Variants in MOB1A observed in about 807,000 individuals in gnomAD.
The protein encoded by MOB1A is MOB1 Mps One Binder homolog A.
MOB1A carries 10 observed loss-of-function variants against 25.1 expected under a neutral mutation model. The observed-to-expected ratio is 0.40, with a 90% CI of 0.25 to 0.68. The LOEUF is 0.68. Ranked by LOEUF, MOB1A falls within the 30% of genes least tolerant of loss-of-function variation. The pLI is 0.40. For missense variants in MOB1A, 177 were observed against 256.3 expected (o/e 0.69, Z 2.11); for synonymous variants, 81 against 79.5 (o/e 1.02, Z -0.10).
chr2:74,173,320 T>C (rs1279965967), intron 1 of MOB1A: 1 of 452,404 alleles, frequency 2.2e-6, no homozygotes, highest in East Asian at 6.6e-5. Context: ...TAGTTCTTGA[T>C]CTGACACTAA....
At chr2:74,159,826 C>T (rs373469108) in intron 4 of MOB1A, among the ~76,000 whole-genome samples, 39 of 115,642 alleles carry the variant, frequency 3.4e-4, no homozygotes, top group African/African-American at 9.5e-4. Flanking sequence ...TGTCCCCCCC[C>T]CCACCCCGGA....
chr2:74,158,778 CAA>C (rs58720139), intron 5 of MOB1A, among the ~76,000 whole-genome samples: 31 of 81,960 alleles, frequency 3.8e-4, no homozygotes, highest in Non-Finnish European at 4.2e-4. Context: ...GACCCTGTCT[CAA>C]AAAAAAAAAA....
intron 1 of MOB1A, chr2:74,173,292 G>C: frequency 4.2e-6 from 2 of 475,384 alleles, no homozygotes; most frequent in South Asian, 1.5e-5. Context: ...GTCTGGTACA[G>C]AGAAACATCC....
intron 1 of MOB1A, among the ~76,000 whole-genome samples, chr2:74,175,976 T>C (rs1693442946): frequency 6.6e-6 from 1 of 151,938 alleles, no homozygotes; most frequent in Non-Finnish European, 1.5e-5. Context: ...CCGGGTGCAG[T>C]GGCTCACACC....
intron 4 of MOB1A, 45 bp from the exon 5 acceptor site, chr2:74,159,299 A>T (rs780092990): frequency 6.4e-7 from 1 of 1,560,492 alleles, no homozygotes; most frequent in Non-Finnish European, 8.8e-7. Context: ...GTTATCTAAC[A>T]GTAGAAAGTT....
intron 1 of MOB1A, among the ~76,000 whole-genome samples, chr2:74,173,888 G>A (rs896858097): frequency 1.4e-5 from 2 of 145,352 alleles, no homozygotes; most frequent in African/African-American, 5.2e-5. Context: ...GGCGGAGCTT[G>A]CAGTGAGTCG....
At position 74,156,231 on chromosome 2, in the gene MOB1A, C is replaced by A; in HGVS notation, c.*337G>T. Reference sequence around the variant, plus strand: ...TGCTGTCACCTAAAACAGATTCAATCATTTTCTTGTAAAGAAATGACTGAG... The same window carrying A: ...TGCTGTCACCTAAAACAGATTCAATAATTTTCTTGTAAAGAAATGACTGAG... On this transcript the variant is annotated 3_prime_UTR_variant, in exon 6 of 6. Transcript: ENST00000396049. 5.2e-6 allele frequency: 1 copy of A among 191,860 alleles called. No individual in the cohort carries two copies. Among genetic ancestry groups the A allele is most frequent in the Non-Finnish European group, 1.1e-5 (1 of 93,938 alleles). 11.9% of individuals were successfully genotyped at this position (191,860 alleles called of 1,614,324 possible).
chr2:74,168,698 T>A (rs1206385050), intron 2 of MOB1A, among the ~76,000 whole-genome samples: 2 of 152,216 alleles, frequency 1.3e-5, no homozygotes, highest in Non-Finnish European at 2.9e-5. Flanking sequence ...CAACTAGGTA[T>A]TTTCCAAGTT....
At chr2:74,170,055 A>G (rs928980723) in intron 2 of MOB1A, among the ~76,000 whole-genome samples, 5 of 152,214 alleles carry the variant, frequency 3.3e-5, no homozygotes, top group Admixed American at 3.3e-4. Flanking sequence ...TTAAGTCTCA[A>G]AGAAAAATCT....
chr2:74,172,621 TCAGGCAA>T lies in MOB1A; in HGVS notation c.139_145del (p.Leu47ArgfsTer11). On this transcript the variant is annotated frameshift_variant, in exon 2 of 6. Coordinates refer to ENST00000396049, the MANE Select transcript of MOB1A (RefSeq NM_018221.5). LOFTEE classifies it high-confidence loss of function. ...AATCCATTCATTGAGATCCTCTCCC[TCAGGCAA>T]CATAACAGCTTGTCTCAGATTCCCA... 1 of 1,613,896 alleles carries T rather than the reference TCAGGCAA, an allele frequency of 6.2e-7. No individual in the cohort carries two copies. The highest frequency in any genetic ancestry group is 8.5e-7 in the Non-Finnish European group (1 of 1,179,828).
rs891601054 is a variant in MOB1A, at chr2:74,154,916, A to G, written c.*1652T>C. On this transcript the variant is annotated 3_prime_UTR_variant, in exon 6 of 6. Transcript: ENST00000396049. ...ATGATATGTGGATGCTAACTAAATC[A>G]GATGAAATGTTTTCTTTAAAATTCT... 3.9e-5 allele frequency: 6 copies of G among 152,208 alleles called. No individual in the cohort carries two copies. The highest frequency in any genetic ancestry group is 1.4e-4 in the African/African-American group (6 of 41,450). 9.4% of individuals were successfully genotyped at this position (152,208 alleles called of 1,614,324 possible).
intron 2 of MOB1A, among the ~76,000 whole-genome samples, chr2:74,171,710 C>G (rs1301808135): frequency 6.6e-6 from 1 of 152,110 alleles, no homozygotes; most frequent in Non-Finnish European, 1.5e-5. Flanking sequence ...CAAGACCAGC[C>G]TGGGCAACAT....
Position 74,165,290 on chromosome 2 carries a change from T to C in MOB1A, c.337A>G (p.Lys113Glu), listed in dbSNP as rs1296209018. 6.3e-7 allele frequency: 1 copy of C among 1,585,698 alleles called. No individual in the cohort carries two copies. Among genetic ancestry groups the C allele is most frequent in the Non-Finnish European group, 8.6e-7 (1 of 1,164,430 alleles). The change falls in exon 4 of 6, where the codon AAA (lysine) becomes GAA (glutamate). Residue 113 changes from lysine (K) to glutamate (E), a missense_variant. By Grantham distance (56) the Lys-to-Glu change is moderately conservative. Transcript: ENST00000396049. ...IKKPIKCSAPKYIDYLMTWVQ... is the reference protein window; with the variant it reads ...IKKPIKCSAPEYIDYLMTWVQ... ...CAAGTCATCAAATAGTCAATGTATTTTGGTGCAGAACATTTGATTGGCTTT... is the reference window on the plus strand; with the variant it reads ...CAAGTCATCAAATAGTCAATGTATTCTGGTGCAGAACATTTGATTGGCTTT...
In MOB1A at chr2:74,165,359, GA is replaced by G; in HGVS notation, c.276-9del. 2 of 1,475,164 alleles carry G rather than the reference GA, an allele frequency of 1.4e-6. No individual in the cohort carries two copies. The highest frequency in any genetic ancestry group is 2.4e-5 in the East Asian group (1 of 40,842). 91.4% of individuals were successfully genotyped at this position (1,475,164 alleles called of 1,614,324 possible). A position where few individuals can be genotyped will look rare whatever the true frequency, so the allele number is the denominator to read the frequency against. On this transcript the variant is annotated splice_polypyrimidine_tract_variant and intron_variant, in intron 3 of 5. Coordinates refer to ENST00000396049, the MANE Select transcript of MOB1A (RefSeq NM_018221.5). ...GCCCAGTGATATTCATATCTGAAGA[GA>G]AAAATGTTTTACTGATAAATTTTTC... is the stretch of plus-strand genomic sequence containing the variant.
At chr2:74,166,972 T>C in intron 3 of MOB1A, 42 bp downstream of exon 3, 1 of 1,384,686 alleles carries the variant, frequency 7.2e-7, no homozygotes, top group South Asian at 1.2e-5. Flanking sequence ...GGTGATAAAG[T>C]AAAACTAATC....
intron 2 of MOB1A, among the ~76,000 whole-genome samples, chr2:74,169,567 A>G (rs548678106): frequency 1.4e-4 from 21 of 152,250 alleles, no homozygotes; most frequent in Admixed American, 2.6e-4. Context: ...GTATCACGAG[A>G]TATACCCAAT....
rs761527866 is a variant in MOB1A, at chr2:74,159,158, G to A, written c.506C>T (p.Ser169Phe). Residue 169 changes from serine to phenylalanine, a missense_variant, in exon 5 of 6, where the codon TCT (serine) becomes TTT (phenylalanine). Transcript: ENST00000396049. ...YAHIYHQHFD[S>F]VMQLQEEAHL... ...GGCCTCCTCTTGCAGCTGCATCACA[G>A]AATCAAAGTGCTGGTGATAAATATG... 2 of 1,613,914 alleles carry A rather than the reference G, an allele frequency of 1.2e-6. No homozygotes were observed. The highest frequency in any genetic ancestry group is 1.7e-6 in the Non-Finnish European group (2 of 1,179,812).
At chr2:74,173,725 T>C (rs866777292) in intron 1 of MOB1A, among the ~76,000 whole-genome samples, 106 of 140,124 alleles carry the variant, frequency 7.6e-4, no homozygotes, top group African/African-American at 2.5e-3. Context: ...CCGAGACGGG[T>C]GGATCACGAG....
intron 2 of MOB1A, among the ~76,000 whole-genome samples, chr2:74,170,603 C>T (rs891330367): frequency 1.5e-4 from 22 of 150,858 alleles, no homozygotes; most frequent in Non-Finnish European, 2.7e-4. Context: ...GGTGTGGTGG[C>T]GGGCACCTGT....
Sources: allele counts gnomAD v4.1 joint callset (sites outside exome capture counted in the v4.1 genomes callset), GRCh38; gene constraint gnomAD v4.1.1; transcripts MANE v1.5; gene names NCBI Gene and HGNC (gene_info 2026-07-23, HGNC 2026-07-21).